Variants in RNF24 observed in about 807,000 individuals in gnomAD.
RNF24 encodes the protein ring finger protein 24.
RNF24 carries 14 observed loss-of-function variants against 20.0 expected under a neutral mutation model. The observed-to-expected ratio is 0.70, with a 90% confidence interval of 0.46 to 1.10. The LOEUF is 1.10. RNF24 is among the 50% of genes least tolerant of loss of function. RNF24 has a pLI of 0.00. For missense variants in RNF24, 124 were observed against 177.6 expected (o/e 0.70, Z 1.71); for synonymous variants, 45 against 61.1 (o/e 0.74, Z 1.23).
chr20:3,964,365 T>TA (rs1277339730), intron 1 of RNF24, among the ~76,000 whole-genome samples: 1 of 152,210 alleles, frequency 6.6e-6, no homozygotes, highest in East Asian at 1.9e-4. Context: ...TTAAGATTCT[T>TA]CAAACTCTTT....
intron 4 of RNF24, among the ~76,000 whole-genome samples, chr20:3,941,787 A>C (rs1013837856): frequency 2.6e-5 from 4 of 152,192 alleles, no homozygotes; most frequent in African/African-American, 9.6e-5. Context: ...GAAAATAAAA[A>C]GATGAAGCTG....
chr20:3,964,396 A>ATTATAAAT (rs1360174801), intron 1 of RNF24, among the ~76,000 whole-genome samples: 1 of 152,244 alleles, frequency 6.6e-6, no homozygotes, highest in East Asian at 1.9e-4. Context: ...CTAATAACTC[A>ATTATAAAT]ACCCTTGAAG....
In RNF24 at chr20:3,932,835, G is replaced by A. The variant is rs117865689; in HGVS notation, c.*1228C>T. ...ATTCACAAATCTTAATGGACTTTGA[G>A]TCATTTCTAGAAAAGTTGGACAGAA... is the stretch of plus-strand genomic sequence containing the variant. On this transcript the variant is annotated 3_prime_UTR_variant, in exon 6 of 6. Transcript: ENST00000358395. 1,854 of 398,102 alleles carry A rather than the reference G, an allele frequency of 4.7e-3. 30 individuals carry two copies. Among genetic ancestry groups the A allele is most frequent in the Admixed American group, 0.032 (719 of 22,724 alleles). 24.7% of individuals were successfully genotyped at this position (398,102 alleles called of 1,614,324 possible).
chr20:3,940,416 G>GGA (rs1555794330), intron 4 of RNF24, among the ~76,000 whole-genome samples: 1 of 142,806 alleles, frequency 7.0e-6, no homozygotes, highest in Non-Finnish European at 1.5e-5. Flanking sequence ...AAAAATTACT[G>GGA]AAAAAAAAAA....
intron 1 of RNF24, among the ~76,000 whole-genome samples, chr20:3,972,796 A>G (rs1978472596): frequency 6.6e-6 from 1 of 152,068 alleles, no homozygotes; most frequent in Non-Finnish European, 1.5e-5. Context: ...CCAGTTACTC[A>G]AGAGGCTAAG....
chr20:4,001,727 G>A (rs115743664), intron 1 of RNF24, among the ~76,000 whole-genome samples: 2 of 152,152 alleles, frequency 1.3e-5, no homozygotes, highest in African/African-American at 4.8e-5. Context: ...CTTGAACCTA[G>A]GAGTTCAAGA....
intron 1 of RNF24, among the ~76,000 whole-genome samples, chr20:3,986,583 A>G (rs1979930140): frequency 6.6e-6 from 1 of 151,096 alleles, no homozygotes; most frequent in African/African-American, 2.4e-5. Context: ...TTTGTGCCTT[A>G]GATTCAGTAG....
chr20:3,945,583 C>T (rs959240065), intron 3 of RNF24, among the ~76,000 whole-genome samples: 2 of 152,022 alleles, frequency 1.3e-5, no homozygotes, highest in Non-Finnish European at 2.9e-5. Context: ...GATGTGGTGG[C>T]GCCTGCCTAT....
intron 1 of RNF24, among the ~76,000 whole-genome samples, chr20:3,975,105 C>T (rs1465992834): frequency 2.0e-5 from 3 of 152,122 alleles, no homozygotes; most frequent in African/African-American, 7.2e-5. Context: ...TAGACCCACA[C>T]AAATAAGCAT....
At chr20:3,999,123 A>G (rs558733515) in intron 1 of RNF24, among the ~76,000 whole-genome samples, 19 of 152,288 alleles carry the variant, frequency 1.2e-4, no homozygotes, top group African/African-American at 4.3e-4. Context: ...GCATGTAACC[A>G]TAGATATCAT....
intron 2 of RNF24, among the ~76,000 whole-genome samples, chr20:3,958,322 A>G (rs1004652409): frequency 2.6e-5 from 4 of 152,150 alleles, no homozygotes; most frequent in Non-Finnish European, 5.9e-5. Context: ...TTACAAAAAA[A>G]CCCAGCACTA....
chr20:3,950,329 G>C (rs958942425), intron 2 of RNF24, among the ~76,000 whole-genome samples: 4 of 152,170 alleles, frequency 2.6e-5, no homozygotes, highest in Non-Finnish European at 4.4e-5. Context: ...GAAGAGGAGA[G>C]GATATGCAGA....
chr20:3,974,307 T>C (rs1978663561), intron 1 of RNF24: 5 of 1,549,312 alleles, frequency 3.2e-6, no homozygotes, highest in Non-Finnish European at 4.4e-6. Context: ...ATATTATTCT[T>C]AATTGTGAAA....
chr20:3,992,050 C>T (rs1019383741), intron 1 of RNF24, among the ~76,000 whole-genome samples: 4 of 152,078 alleles, frequency 2.6e-5, no homozygotes, highest in Non-Finnish European at 5.9e-5. Flanking sequence ...GATTGTAATC[C>T]TCTAATACTA....
At chr20:4,009,340 G>A (rs918060211) in intron 1 of RNF24, among the ~76,000 whole-genome samples, 6 of 152,104 alleles carry the variant, frequency 3.9e-5, no homozygotes, top group Non-Finnish European at 7.4e-5. Flanking sequence ...GCAACGTCAC[G>A]GCATATGTGT....
At chr20:3,995,592 T>C (rs1980795474) in intron 1 of RNF24, among the ~76,000 whole-genome samples, 1 of 152,220 alleles carries the variant, frequency 6.6e-6, no homozygotes, top group Non-Finnish European at 1.5e-5. Context: ...ATCAGCAAAG[T>C]GTGCAGGCTG....
At chr20:3,942,320 C>T (rs1322194692) in intron 4 of RNF24, among the ~76,000 whole-genome samples, 1 of 150,430 alleles carries the variant, frequency 6.6e-6, no homozygotes, top group Non-Finnish European at 1.5e-5. Context: ...ACATGTGTGC[C>T]ACCAGGCCCA....
intron 1 of RNF24, among the ~76,000 whole-genome samples, chr20:4,007,873 C>G (rs1982013149): frequency 6.6e-6 from 1 of 151,178 alleles, no homozygotes; most frequent in African/African-American, 2.4e-5. Context: ...TTGGAGATCA[C>G]ACCACTGCAC....
In RNF24 at chr20:3,963,858, G is replaced by A; in HGVS notation, c.143+17C>T. 1 of 1,527,536 alleles carries A rather than the reference G, an allele frequency of 6.5e-7. No individual in the cohort carries two copies. Among genetic ancestry groups the A allele is most frequent in the South Asian group, 1.2e-5 (1 of 82,362 alleles). 94.6% of individuals were successfully genotyped at this position (1,527,536 alleles called of 1,614,324 possible). On this transcript the variant is annotated intron_variant, in intron 2 of 5. Coordinates refer to ENST00000358395, the MANE Select transcript of RNF24 (RefSeq NM_001134337.3). ...ATTTAACATATTTTGAAGTAACATA[G>A]AATGAAAATTGGTTACCTAATCAAG... is the stretch of plus-strand genomic sequence containing the variant.
Sources: gnomAD v4.1 joint callset for allele counts (sites outside exome capture counted in the v4.1 genomes callset) on GRCh38, gnomAD v4.1.1 for gene constraint, MANE v1.5 for transcripts, NCBI Gene and HGNC (gene_info 2026-07-23, HGNC 2026-07-21) for gene names.